PTPRG: variants seen among roughly 807,000 people sequenced by gnomAD.
The protein encoded by PTPRG is receptor-type tyrosine-protein phosphatase gamma.
PTPRG carries 102 observed loss-of-function variants against 165.3 expected under a neutral mutation model. The observed-to-expected ratio is 0.62, with a 90% CI of 0.53 to 0.73. The LOEUF (loss-of-function observed/expected upper bound fraction) is 0.73, where lower values mean the gene tolerates loss of function less well. Among genes scored for constraint, PTPRG ranks in the 30% least tolerant of loss-of-function variants. The pLI, the probability that PTPRG is intolerant of heterozygous loss-of-function variation, is 0.00. For synonymous variants in PTPRG, 675 were observed against 669.5 expected (o/e 1.01, Z -0.13); for missense variants, 1,866 against 1,861.4 (o/e 1.00, Z -0.05).
chr3:61,878,279 A>AATAT (rs1461430622), intron 2 of PTPRG, among the ~76,000 whole-genome samples: 4 of 152,214 alleles, frequency 2.6e-5, no homozygotes, highest in African/African-American at 4.8e-5. Flanking sequence ...TTCCCCACAC[A>AATAT]ATAGCGATAG....
At chr3:62,147,081 A>G (rs1350597281) in intron 6 of PTPRG, among the ~76,000 whole-genome samples, 3 of 152,214 alleles carry the variant, frequency 2.0e-5, no homozygotes, top group Admixed American at 2.0e-4. Flanking sequence ...TTAACAACCT[A>G]TGACCTTGGG....
At chr3:61,579,425 A>G (rs1035627473) in intron 1 of PTPRG, among the ~76,000 whole-genome samples, 86 of 152,326 alleles carry the variant, frequency 5.6e-4, no homozygotes, top group Non-Finnish European at 4.1e-4. Context: ...TGTTTTTTAC[A>G]ATGTGGCTAA....
Position 62,222,046 on chromosome 3 carries a change from C to T in PTPRG, c.2288+3063C>T, listed in dbSNP as rs1700663856. ...ATCACTGTCCTTTCTATTTGACCCA[C>T]ATTCTTTGACCAAGGAAGAGAACGA... On this transcript the variant is annotated intron_variant, in intron 13 of 29. Coordinates refer to ENST00000474889, the MANE Select transcript of PTPRG (RefSeq NM_002841.4). The surrounding 1 kb of genome is among the most constrained non-coding windows in gnomAD (Gnocchi z 4.5). 6.6e-6 allele frequency among the ~76,000 whole-genome samples: 1 copy of T among 152,230 alleles called. No homozygotes were observed. Among genetic ancestry groups the T allele is most frequent in the Non-Finnish European group, 1.5e-5 (1 of 68,044 alleles).
intron 6 of PTPRG, among the ~76,000 whole-genome samples, chr3:62,148,765 AAAAT>A (rs61021514): frequency 2.0e-5 from 3 of 151,660 alleles, no homozygotes; most frequent in Admixed American, 6.6e-5. Context: ...CCGTCTCCAC[AAAAT>A]AAATAAATAA....
rs530275052 is a variant in PTPRG, at chr3:61,573,142, C to T, written c.85+10770C>T. ...TGACTTCCCTGGTTGATTTGAATTT[C>T]TGTTAGCTTGTTCAGTTAAGACAAA... On this transcript the variant is annotated intron_variant, in intron 1 of 29. Transcript: ENST00000474889. 2.6e-5 allele frequency among the ~76,000 whole-genome samples: 4 copies of T among 152,282 alleles called. No individual in the cohort carries two copies. The South Asian group carries it at 8.3e-4, about 32-fold the overall frequency.
In PTPRG at chr3:61,682,322, G is replaced by A. The variant is rs141078275; in HGVS notation, c.86-66556G>A. 5.7e-3 allele frequency among the ~76,000 whole-genome samples: 864 copies of A among 152,144 alleles called. 10 individuals are homozygous for A. The highest frequency in any genetic ancestry group is 0.019 in the African/African-American group (804 of 41,492). ...TGTCTTTGTCTTAAGAAATTCACTCGAGTATTTGGGGTCCAAGGGGCATGA... is the reference window on the plus strand; with the variant it reads ...TGTCTTTGTCTTAAGAAATTCACTCAAGTATTTGGGGTCCAAGGGGCATGA... On this transcript the variant is annotated intron_variant, in intron 1 of 29. Transcript: ENST00000474889.
chr3:61,995,673 T>TGCCC (rs879738322), intron 3 of PTPRG, among the ~76,000 whole-genome samples: 6,191 of 112,462 alleles, frequency 0.055, 863 homozygotes, highest in African/African-American at 0.13. Context: ...TCCGCCTGCC[T>TGCCC]GCCCGCCCGC....
intron 2 of PTPRG, among the ~76,000 whole-genome samples, chr3:61,854,587 A>G (rs1165151664): frequency 4.6e-5 from 7 of 152,218 alleles, no homozygotes. Context: ...GGGAAACTGT[A>G]CTGGTGCACT....
At chr3:61,970,327 C>G (rs9837963) in intron 2 of PTPRG, among the ~76,000 whole-genome samples, 34,857 of 152,004 alleles carry the variant, frequency 0.23, 4,464 homozygotes, top group African/African-American at 0.33. Context: ...AGGAATTTTC[C>G]TTTCTTCTTT....
In PTPRG at chr3:61,723,417, G is replaced by A. The variant is rs142640093; in HGVS notation, c.86-25461G>A. ...TTACCATTATAAATAGGATACATGTGCACATTTTTGGTGAAACAAGAAAAG... is the reference window on the plus strand; with the variant it reads ...TTACCATTATAAATAGGATACATGTACACATTTTTGGTGAAACAAGAAAAG... On this transcript the variant is annotated intron_variant, in intron 1 of 29. Transcript: ENST00000474889. Among the ~76,000 whole-genome samples the A allele has an allele frequency of 2.3e-3, 348 of 152,008 alleles. 1 individual carries two copies. The highest frequency in any genetic ancestry group is 8.1e-3 in the African/African-American group (337 of 41,464).
At chr3:61,927,377 C>A (rs1224030980) in intron 2 of PTPRG, among the ~76,000 whole-genome samples, 1 of 152,114 alleles carries the variant, frequency 6.6e-6, no homozygotes, top group Non-Finnish European at 1.5e-5. Flanking sequence ...TCAAATGTCC[C>A]TTGAATTTCA....
intron 14 of PTPRG, among the ~76,000 whole-genome samples, chr3:62,238,946 T>C (rs937358246): frequency 4.6e-5 from 7 of 152,036 alleles, no homozygotes; most frequent in African/African-American, 1.7e-4. Flanking sequence ...TCAGAGTCAG[T>C]GAAAATAATG....
chr3:61,857,167 A>G (rs544042410), intron 2 of PTPRG, among the ~76,000 whole-genome samples: 1 of 152,124 alleles, frequency 6.6e-6, no homozygotes, highest in South Asian at 2.1e-4. Context: ...CCAATGCCTC[A>G]TCACTCCAGA....
chr3:62,107,640 A>G (rs1702518914), intron 5 of PTPRG, among the ~76,000 whole-genome samples: 1 of 152,242 alleles, frequency 6.6e-6, no homozygotes, highest in Non-Finnish European at 1.5e-5. Flanking sequence ...TAACAGAGAA[A>G]ATGTACAAAA....
intron 1 of PTPRG, among the ~76,000 whole-genome samples, chr3:61,624,832 T>A (rs1231242594): frequency 6.6e-6 from 1 of 152,164 alleles, no homozygotes; most frequent in African/African-American, 2.4e-5. Flanking sequence ...TAGGGATGTG[T>A]ATTTATTTGC....
chr3:62,135,135 G>A (rs945264782), intron 6 of PTPRG, among the ~76,000 whole-genome samples: 4 of 151,786 alleles, frequency 2.6e-5, no homozygotes, highest in Admixed American at 1.3e-4. Flanking sequence ...TTAACTAGGC[G>A]TGATGGTACA....
At chr3:61,877,313 G>A (rs557088652) in intron 2 of PTPRG, among the ~76,000 whole-genome samples, 2 of 152,188 alleles carry the variant, frequency 1.3e-5, no homozygotes, top group African/African-American at 4.8e-5. Flanking sequence ...GAACGTGGAT[G>A]TTCTGCAGCA....
intron 26 of PTPRG, 46 bp downstream of exon 26, chr3:62,277,725 C>T (rs764678579): frequency 3.1e-6 from 5 of 1,603,366 alleles, no homozygotes; most frequent in African/African-American, 2.7e-5. Context: ...CATGAGGCTA[C>T]AAGCATAAAT....
At chr3:61,833,839 A>G (rs533914896) in intron 2 of PTPRG, among the ~76,000 whole-genome samples, 9 of 152,304 alleles carry the variant, frequency 5.9e-5, no homozygotes, top group African/African-American at 1.9e-4. Flanking sequence ...CGCTAGGATT[A>G]CAGGCGTGAG....
Sources: gnomAD v4.1 joint callset for allele counts (sites outside exome capture counted in the v4.1 genomes callset) on GRCh38, gnomAD v4.1.1 for gene constraint, Gnocchi (gnomAD v3.1) non-coding constraint, MANE v1.5 for transcripts, NCBI Gene and HGNC (gene_info 2026-07-23, HGNC 2026-07-21) for gene names.